VEPH1: variants seen among roughly 807,000 people sequenced by gnomAD.
VEPH1 encodes the protein ventricular zone expressed PH domain containing 1.
VEPH1 carries 80 observed loss-of-function variants against 85.2 expected under a neutral mutation model. The ratio of observed to expected loss-of-function variants is 0.94; its 90% CI spans 0.78 to 1.13. VEPH1 has a LOEUF of 1.13. Ranked by LOEUF, VEPH1 falls within the 50% of genes most tolerant of loss-of-function variation. The probability of loss-of-function intolerance (pLI) is 0.00; values close to 1 mark genes in which losing one functional copy is unlikely to be tolerated. For synonymous variants in VEPH1, 297 were observed against 348.0 expected (o/e 0.85, Z 1.63); for missense variants, 955 against 980.5 (o/e 0.97, Z 0.35).
At chr3:157,478,428 G>C (rs751229441) in intron 2 of VEPH1, among the ~76,000 whole-genome samples, 11 of 152,076 alleles carry the variant, frequency 7.2e-5, no homozygotes, top group Non-Finnish European at 1.6e-4. Flanking sequence ...AGTTTATATA[G>C]ATGACACTGA....
chr3:157,360,863 TA>T (rs1167744603), intron 9 of VEPH1, among the ~76,000 whole-genome samples: 1 of 152,176 alleles, frequency 6.6e-6, no homozygotes, highest in Admixed American at 6.5e-5. Context: ...ACTCCTAAAA[TA>T]GCTCAAGGCA....
chr3:157,437,435 G>A (rs1733689177), intron 4 of VEPH1: 12 of 1,527,266 alleles, frequency 7.9e-6, no homozygotes, highest in Non-Finnish European at 1.1e-5. Flanking sequence ...TGGCACCACC[G>A]AGGGAGGTCA....
chr3:157,437,724 C>T (rs1280500393), intron 4 of VEPH1: 1 of 1,526,792 alleles, frequency 6.5e-7, no homozygotes, highest in Admixed American at 2.0e-5. Flanking sequence ...CCAGGCTGAC[C>T]AGTGCTCTGG....
At chr3:157,488,187 T>C (rs549965843) in intron 2 of VEPH1, among the ~76,000 whole-genome samples, 1 of 152,240 alleles carries the variant, frequency 6.6e-6, no homozygotes, top group African/African-American at 2.4e-5. Flanking sequence ...CCCCATCTCA[T>C]TCTTTCTAAA....
chr3:157,503,524 T>G (rs1322640646), upstream of VEPH1: 1 of 152,214 alleles, frequency 6.6e-6, no homozygotes, highest in African/African-American at 2.4e-5. Context: ...AACTTCTGCT[T>G]AGACCTAACA....
chr3:157,408,694 G>A (rs1343653848), intron 6 of VEPH1, among the ~76,000 whole-genome samples: 1 of 152,118 alleles, frequency 6.6e-6, no homozygotes, highest in African/African-American at 2.4e-5. Flanking sequence ...TTGCCTAAGG[G>A]GACTGGGAAG....
chr3:157,459,951 T>A (rs374169494), intron 4 of VEPH1: 43 of 1,537,126 alleles, frequency 2.8e-5, no homozygotes, highest in Non-Finnish European at 3.6e-5. Flanking sequence ...TTTGGAAGAA[T>A]GCTTACAATT....
chr3:157,426,861 G>T (rs1364817161), intron 5 of VEPH1, among the ~76,000 whole-genome samples: 1 of 146,432 alleles, frequency 6.8e-6, no homozygotes, highest in Non-Finnish European at 1.5e-5. Context: ...AGGCTGGAGT[G>T]CAGTGGCTCA....
chr3:157,442,471 T>G (rs1734203375), intron 4 of VEPH1: 1 of 1,614,038 alleles, frequency 6.2e-7, no homozygotes, highest in Non-Finnish European at 8.5e-7. Context: ...TGCATTTGGG[T>G]CAAAGCCACA....
chr3:157,402,388 A>G (rs1234293629), intron 6 of VEPH1, among the ~76,000 whole-genome samples: 1 of 152,208 alleles, frequency 6.6e-6, no homozygotes, highest in Non-Finnish European at 1.5e-5. Context: ...TGAATGAGAT[A>G]GGAGCCCTTA....
intron 7 of VEPH1, among the ~76,000 whole-genome samples, chr3:157,373,014 C>T (rs1258377347): frequency 6.6e-6 from 1 of 152,186 alleles, no homozygotes; most frequent in Non-Finnish European, 1.5e-5. Flanking sequence ...TACTCATTAA[C>T]ATTTACAGAG....
intron 11 of VEPH1, among the ~76,000 whole-genome samples, chr3:157,313,120 G>A (rs1273863694): frequency 6.6e-6 from 1 of 151,678 alleles, no homozygotes; most frequent in African/African-American, 2.4e-5. Context: ...TAGCCAGGAT[G>A]CTCTCGATCT....
intron 12 of VEPH1, among the ~76,000 whole-genome samples, chr3:157,272,358 TTC>T (rs1714728532): frequency 8.2e-6 from 1 of 122,676 alleles, no homozygotes; most frequent in African/African-American, 2.7e-5. Context: ...TTCTCTCTCT[TTC>T]TTTCTTTCTC....
rs372948721 is a variant in VEPH1 at position 157,409,421 on chromosome 3, C to T, written c.906+4460G>A. Among the ~76,000 whole-genome samples the T allele has an allele frequency of 2.6e-5, 4 of 152,090 alleles. No homozygotes were observed. In the East Asian group the frequency reaches 5.8e-4, roughly 22 times the overall value. ...CCTCAAGGGCAACAATTGATCGGTT[C>T]TCCCAGAAGCAAATTTCTCTACCCT... On this transcript the variant is annotated intron_variant, in intron 6 of 13. Transcript: ENST00000362010.
chr3:157,480,913 G>A (rs769921975), intron 2 of VEPH1, among the ~76,000 whole-genome samples: 10 of 152,132 alleles, frequency 6.6e-5, no homozygotes, highest in Non-Finnish European at 1.0e-4. Flanking sequence ...CCCACCAACT[G>A]GGTATAAGCT....
intron 9 of VEPH1, among the ~76,000 whole-genome samples, chr3:157,339,861 T>A (rs1723339962): frequency 1.3e-5 from 2 of 152,124 alleles, no homozygotes. Context: ...TTACCTAAAG[T>A]GAAAGAGTCA....
chr3:157,272,011 G>A (rs894943915), intron 12 of VEPH1, among the ~76,000 whole-genome samples: 15 of 152,178 alleles, frequency 9.9e-5, no homozygotes, highest in Admixed American at 2.6e-4. Context: ...TGATGCAGTC[G>A]TTTTAACATT....
chr3:157,299,559 C>CAAAAAA (rs10535235), intron 11 of VEPH1, among the ~76,000 whole-genome samples: 6 of 103,080 alleles, frequency 5.8e-5, no homozygotes, highest in African/African-American at 1.5e-4. Flanking sequence ...GGCCCTGTCT[C>CAAAAAA]AAAAAAAAAA....
At chr3:157,302,813 C>T (rs926192830) in intron 11 of VEPH1, among the ~76,000 whole-genome samples, 4 of 152,184 alleles carry the variant, frequency 2.6e-5, no homozygotes, top group African/African-American at 9.6e-5. Flanking sequence ...CAGATTAACT[C>T]TCCAGTCTCC....
Sources: gnomAD v4.1 joint callset for allele counts (sites outside exome capture counted in the v4.1 genomes callset) on GRCh38, gnomAD v4.1.1 for gene constraint, MANE v1.5 for transcripts, NCBI Gene and HGNC (gene_info 2026-07-23, HGNC 2026-07-21) for gene names.